Variants in ARHGAP22 observed in about 807,000 individuals in gnomAD.
ARHGAP22 encodes rho GTPase-activating protein 22.
Under a neutral mutation model 59.1 loss-of-function variants are expected in ARHGAP22, and 48 were observed. That is an observed-to-expected ratio of 0.81 (90% CI 0.64 to 1.03). The LOEUF is 1.03. Ranked by LOEUF, ARHGAP22 falls within the 50% of genes least tolerant of loss-of-function variation. ARHGAP22 has a pLI of 0.00. For missense variants in ARHGAP22, 1,015 were observed against 958.7 expected (o/e 1.06, Z -0.78); for synonymous variants, 445 against 416.4 (o/e 1.07, Z -0.84).
intron 1 of ARHGAP22, among the ~76,000 whole-genome samples, chr10:48,586,991 C>A (rs577800728): frequency 7.9e-5 from 12 of 152,344 alleles, no homozygotes; most frequent in East Asian, 3.9e-4. Flanking sequence ...TTTCCAGACA[C>A]CTGTAGCACC....
At chr10:48,458,260 G>T (rs1042701721) in intron 5 of ARHGAP22, among the ~76,000 whole-genome samples, 1 of 152,148 alleles carries the variant, frequency 6.6e-6, no homozygotes, top group South Asian at 2.1e-4. Flanking sequence ...AGACAGGGGA[G>T]GGCCTCCAAG....
At chr10:48,605,207 G>T (rs1051958864), upstream of ARHGAP22, 7 of 1,002,090 alleles carry the variant, frequency 7.0e-6, no homozygotes, top group Admixed American at 1.1e-4. Flanking sequence ...CCCGGGAGAG[G>T]GTACTGGGGT....
At position 48,455,811 on chromosome 10, in the gene ARHGAP22, G is replaced by T. The variant is rs61401658; in HGVS notation, c.660-677C>A. ...CACAATGCAGGGCTGCTGGCTCCTT[G>T]TTGGGGAGCAGGTATCCGGGGACCA... On this transcript the variant is annotated intron_variant, in intron 5 of 9. Transcript: ENST00000249601. 3.3e-3 allele frequency among the ~76,000 whole-genome samples: 503 copies of T among 152,338 alleles called. 2 individuals carry two copies. Among genetic ancestry groups the T allele is most frequent in the African/African-American group, 0.011 (472 of 41,568 alleles).
At chr10:48,492,616 C>T (rs1051057732) in intron 3 of ARHGAP22, among the ~76,000 whole-genome samples, 1 of 152,014 alleles carries the variant, frequency 6.6e-6, no homozygotes, top group Non-Finnish European at 1.5e-5. Flanking sequence ...TGTAGTGGCA[C>T]AATCCTGGCT....
intron 4 of ARHGAP22, among the ~76,000 whole-genome samples, chr10:48,463,928 C>T (rs1419197106): frequency 6.6e-6 from 1 of 152,180 alleles, no homozygotes; most frequent in African/African-American, 2.4e-5. Context: ...AGGCCACAGT[C>T]AAGGAAGAGA....
chr10:48,544,408 C>A (rs563875597), intron 3 of ARHGAP22, among the ~76,000 whole-genome samples: 1 of 146,464 alleles, frequency 6.8e-6, no homozygotes, highest in East Asian at 2.1e-4. Context: ...TTCCTTCTTT[C>A]TCTTTCTCCC....
chr10:48,532,993 T>G (rs2055004024), intron 3 of ARHGAP22: 1 of 152,166 alleles, frequency 6.6e-6, no homozygotes, highest in African/African-American at 2.4e-5. Context: ...TAAGCAGAAA[T>G]GAGGCTTCTT....
Position 48,450,380 on chromosome 10 carries a change from G to A in ARHGAP22, c.1749C>T (p.Ser583=), listed in dbSNP as rs1216994723. The A allele has an allele frequency of 2.5e-6, 4 of 1,576,142 alleles. No individual in the cohort carries two copies. The highest frequency in any genetic ancestry group is 2.4e-5 in the East Asian group (1 of 42,436). The change falls in exon 9 of 10, where the codon AGC becomes AGT. Residue 583 remains serine, a synonymous_variant. Transcript: ENST00000249601. ...GTTCCCGGGTGGGGCTGTCCGGCTC[G>A]CTGGGCTCGCTGTTGCTGGCACCCG... is the stretch of plus-strand genomic sequence containing the variant. ...AGAGASNSEP[S]EPDSPTREHA... is the part of the protein sequence containing the mutation.
intron 3 of ARHGAP22, among the ~76,000 whole-genome samples, chr10:48,492,287 T>C (rs988024749): frequency 2.0e-5 from 3 of 152,178 alleles, no homozygotes; most frequent in African/African-American, 4.8e-5. Context: ...AAAAAAATAT[T>C]TTTTAAAAGT....
At chr10:48,437,420 CTTA>C in the ARHGAP22 span, 38 of 152,140 alleles carry the variant, frequency 2.5e-4, 1 homozygote, top group East Asian at 4.0e-3. Flanking sequence ...AACCACCTTT[CTTA>C]TTCTATAATT....
chr10:48,554,966 TAAC>T (rs1171023614), intron 3 of ARHGAP22, among the ~76,000 whole-genome samples: 1 of 152,228 alleles, frequency 6.6e-6, no homozygotes, highest in Non-Finnish European at 1.5e-5. Context: ...CTTAGTGCAT[TAAC>T]AACGACATTG....
intron 2 of ARHGAP22, among the ~76,000 whole-genome samples, chr10:48,568,290 G>A (rs2058173347): frequency 6.6e-6 from 1 of 152,210 alleles, no homozygotes; most frequent in African/African-American, 2.4e-5. Flanking sequence ...GTCCAAGAGG[G>A]GTTGTGGACC....
At chr10:48,632,867 T>C (rs975409801) in intron 1 of ARHGAP22, among the ~76,000 whole-genome samples, 1 of 152,218 alleles carries the variant, frequency 6.6e-6, no homozygotes, top group Non-Finnish European at 1.5e-5. Context: ...AGAGTGAAAA[T>C]GTCTAAGCTT....
chr10:48,598,598 CCT>C (rs1432376376), intron 1 of ARHGAP22, among the ~76,000 whole-genome samples: 28 of 152,184 alleles, frequency 1.8e-4, no homozygotes. Flanking sequence ...TAGCATTTAC[CCT>C]CTCTCCCTGC....
At chr10:48,531,007 A>T (rs1185537022) in intron 3 of ARHGAP22, among the ~76,000 whole-genome samples, 3 of 152,250 alleles carry the variant, frequency 2.0e-5, no homozygotes, top group Admixed American at 6.5e-5. Flanking sequence ...TATTACAAAA[A>T]TATAGAACCA....
At position 48,446,543 on chromosome 10, in the gene ARHGAP22, A is replaced by AT. The variant is rs1256821192; in HGVS notation, c.1944dup (p.Tyr649IlefsTer12). On this transcript the variant is annotated frameshift_variant, in exon 10 of 10. Transcript: ENST00000249601. LOFTEE classifies it high-confidence loss of function. The stretch of plus-strand genomic sequence containing the variant: ...CGCAGCTTTATTTCCAGCATGATGT[A>AT]TTTTTTCTTTTCCTGGTCCAGTTCT... 2 of 1,613,834 alleles carry AT rather than the reference A, an allele frequency of 1.2e-6. No individual in the cohort carries two copies. Among genetic ancestry groups the AT allele is most frequent in the East Asian group, 2.2e-5 (1 of 44,856 alleles).
intron 2 of ARHGAP22, among the ~76,000 whole-genome samples, chr10:48,567,363 T>C (rs909596921): frequency 6.6e-6 from 1 of 152,080 alleles, no homozygotes; most frequent in African/African-American, 2.4e-5. Context: ...CCATGCCACG[T>C]TGGGAAGAGT....
chr10:48,613,315 T>C (rs1488137507), intron 1 of ARHGAP22, among the ~76,000 whole-genome samples: 14 of 152,188 alleles, frequency 9.2e-5, no homozygotes, highest in Non-Finnish European at 1.9e-4. Flanking sequence ...AGTTTCCAAA[T>C]ACCCTCAGTA....
chr10:48,567,564 A>G (rs546485274), intron 2 of ARHGAP22, among the ~76,000 whole-genome samples: 126 of 152,232 alleles, frequency 8.3e-4, no homozygotes, highest in Middle Eastern at 3.4e-3. Context: ...TGATTTTACA[A>G]CACATTTGGG....
Sources: gnomAD v4.1 joint callset for allele counts (sites outside exome capture counted in the v4.1 genomes callset) on GRCh38, gnomAD v4.1.1 for gene constraint, MANE v1.5 for transcripts, NCBI Gene and HGNC (gene_info 2026-07-23, HGNC 2026-07-21) for gene names.